Variants in MITF observed in about 807,000 individuals in gnomAD.
MITF encodes the protein microphthalmia-associated transcription factor.
MITF carries 17 observed loss-of-function variants against 60.5 expected under a neutral mutation model. The ratio of observed to expected loss-of-function variants is 0.28; its 90% CI spans 0.19 to 0.42. The LOEUF is 0.42. Among genes scored for constraint, MITF ranks in the 10% least tolerant of loss-of-function variants. The pLI is 1.00. For missense variants in MITF, 622 were observed against 683.5 expected (o/e 0.91, Z 1.00); for synonymous variants, 260 against 248.5 (o/e 1.05, Z -0.43).
intron 1 of MITF, among the ~76,000 whole-genome samples, chr3:69,839,436 G>C (rs758491130): frequency 3.5e-5 from 5 of 142,662 alleles, no homozygotes; most frequent in Non-Finnish European, 7.7e-5. Context: ...TTTTCATTTT[G>C]TGATTACTTT....
At position 69,943,001 on chromosome 3, in the gene MITF, G is replaced by T. The variant is rs549867915; in HGVS notation, c.762+1670G>T. 7.2e-4 allele frequency among the ~76,000 whole-genome samples: 109 copies of T among 151,228 alleles called. 1 individual carries two copies. Among genetic ancestry groups the T allele is most frequent in the African/African-American group, 2.5e-3 (101 of 41,216 alleles). On this transcript the variant is annotated intron_variant, in intron 5 of 9. Transcript: ENST00000352241. ...ATTGACATGATTCTGTAAAATCATT[G>T]ACTTTTTTTGTAATGGCAAAGACCT...
At chr3:69,880,982 A>G (rs986282508) in intron 2 of MITF, among the ~76,000 whole-genome samples, 1 of 152,066 alleles carries the variant, frequency 6.6e-6, no homozygotes, top group Non-Finnish European at 1.5e-5. Flanking sequence ...AGAGGAAATT[A>G]CCCAAATGAA....
At chr3:69,868,181 A>G (rs535553445) in intron 1 of MITF, among the ~76,000 whole-genome samples, 27 of 152,234 alleles carry the variant, frequency 1.8e-4, no homozygotes, top group Non-Finnish European at 2.8e-4. Context: ...TCATGTCCAC[A>G]TGGTTTGTGG....
intron 1 of MITF, among the ~76,000 whole-genome samples, chr3:69,874,815 G>C (rs979523351): frequency 6.6e-6 from 1 of 152,168 alleles, no homozygotes; most frequent in Non-Finnish European, 1.5e-5. Context: ...TGAATTTAAT[G>C]GAATTTCTGA....
chr3:69,904,949 A>G (rs1246030894), intron 2 of MITF, among the ~76,000 whole-genome samples: 4 of 152,126 alleles, frequency 2.6e-5, no homozygotes, highest in African/African-American at 9.7e-5. Context: ...AATAATAGCT[A>G]TTTCTTATTA....
intron 1 of MITF, among the ~76,000 whole-genome samples, chr3:69,849,357 G>T (rs887008671): frequency 1.3e-5 from 2 of 152,194 alleles, no homozygotes; most frequent in African/African-American, 4.8e-5. Flanking sequence ...TGCTGTTTTA[G>T]AGGAGTTCCC....
At chr3:69,962,418 A>G (rs1420089560) in intron 9 of MITF, among the ~76,000 whole-genome samples, 1 of 152,220 alleles carries the variant, frequency 6.6e-6, no homozygotes, top group African/African-American at 2.4e-5. Context: ...CTTGTGTGAC[A>G]TGTCAAGCTC....
chr3:69,750,730 T>C (rs1037775555), intron 1 of MITF, among the ~76,000 whole-genome samples: 1 of 152,132 alleles, frequency 6.6e-6, no homozygotes, highest in Non-Finnish European at 1.5e-5. Flanking sequence ...TTCTAAGTGA[T>C]GCTGAAACTA....
At chr3:69,860,491 G>A (rs1017387477) in intron 1 of MITF, among the ~76,000 whole-genome samples, 4 of 151,562 alleles carry the variant, frequency 2.6e-5, no homozygotes, top group Admixed American at 2.6e-4. Flanking sequence ...CCAGCTATTC[G>A]GGAGGCTGAG....
intron 1 of MITF, among the ~76,000 whole-genome samples, chr3:69,876,303 T>C (rs2064352621): frequency 6.6e-6 from 1 of 152,228 alleles, no homozygotes; most frequent in African/African-American, 2.4e-5. Flanking sequence ...AAAGGTTTGC[T>C]TCTGTTTTTA....
At chr3:69,840,903 A>T (rs929019060) in intron 1 of MITF, among the ~76,000 whole-genome samples, 4 of 152,002 alleles carry the variant, frequency 2.6e-5, no homozygotes, top group African/African-American at 9.7e-5. Flanking sequence ...TTACAGGTAC[A>T]TGCCACCATG....
intron 1 of MITF, among the ~76,000 whole-genome samples, chr3:69,874,338 C>A (rs971149845): frequency 6.6e-6 from 1 of 152,160 alleles, no homozygotes; most frequent in African/African-American, 2.4e-5. Context: ...CTTCTGTGGT[C>A]CAAACTTGCA....
intron 6 of MITF, among the ~76,000 whole-genome samples, chr3:69,951,371 T>C (rs1238566112): frequency 6.6e-6 from 1 of 152,094 alleles, no homozygotes; most frequent in East Asian, 1.9e-4. Context: ...CAAGCAACCA[T>C]GCTGGGCCAC....
intron 2 of MITF, among the ~76,000 whole-genome samples, chr3:69,910,348 C>T (rs1360651496): frequency 2.0e-5 from 3 of 152,208 alleles, no homozygotes; most frequent in Non-Finnish European, 2.9e-5. Flanking sequence ...CATGGAGAAC[C>T]TCTGCTAGGG....
chr3:69,823,956 AT>A (rs1378837512), intron 1 of MITF, among the ~76,000 whole-genome samples: 1 of 152,218 alleles, frequency 6.6e-6, no homozygotes, highest in Non-Finnish European at 1.5e-5. Context: ...CCAAATACAT[AT>A]AGGCTTGAAG....
At chr3:69,819,178 G>T (rs962780659) in intron 1 of MITF, among the ~76,000 whole-genome samples, 1 of 152,146 alleles carries the variant, frequency 6.6e-6, no homozygotes, top group Non-Finnish European at 1.5e-5. Flanking sequence ...CATCTGAAGG[G>T]CACAGTGATT....
At chr3:69,872,830 G>C (rs935204421) in intron 1 of MITF, among the ~76,000 whole-genome samples, 20 of 152,132 alleles carry the variant, frequency 1.3e-4, no homozygotes, top group African/African-American at 4.6e-4. Context: ...GTGTGTGATT[G>C]GTGGTTCTTA....
intron 1 of MITF, among the ~76,000 whole-genome samples, chr3:69,751,563 T>A (rs1182873176): frequency 6.6e-6 from 1 of 151,866 alleles, no homozygotes; most frequent in African/African-American, 2.4e-5. Context: ...ATTTTTTTTT[T>A]TTTTTTTTTG....
At chr3:69,741,061 CTCTT>C (rs1345476374) in intron 1 of MITF, among the ~76,000 whole-genome samples, 4 of 152,210 alleles carry the variant, frequency 2.6e-5, no homozygotes, top group African/African-American at 9.7e-5. Flanking sequence ...TTGCTGAAGA[CTCTT>C]TGTAGATGCT....
Sources: allele counts gnomAD v4.1 joint callset (sites outside exome capture counted in the v4.1 genomes callset), GRCh38; gene constraint gnomAD v4.1.1; transcripts MANE v1.5; gene names NCBI Gene and HGNC (gene_info 2026-07-23, HGNC 2026-07-21).